OPCML: variants seen among roughly 807,000 people sequenced by gnomAD.
OPCML encodes opioid binding protein/cell adhesion molecule like, also known as opioid-binding protein/cell adhesion molecule.
OPCML carries 13 observed loss-of-function variants against 37.8 expected under a neutral mutation model. The observed-to-expected ratio is 0.34, with a 90% CI of 0.22 to 0.55. OPCML has a LOEUF of 0.55. Ranked by LOEUF, OPCML falls within the 20% of genes least tolerant of loss-of-function variation. The pLI is 0.91. For synonymous variants in OPCML, 176 were observed against 168.8 expected, an observed-to-expected ratio of 1.04 and a Z score of -0.33; for missense variants, 341 against 435.6, an observed-to-expected ratio of 0.78 and a Z score of 1.93.
chr11:133,462,003 A>G (rs188523373), intron 1 of OPCML, among the ~76,000 whole-genome samples: 1 of 152,124 alleles, frequency 6.6e-6, no homozygotes. Flanking sequence ...ATTTTAAACA[A>G]GAGTGTCATG....
chr11:133,310,624 G>A (rs1236986177), intron 1 of OPCML, among the ~76,000 whole-genome samples: 1 of 152,086 alleles, frequency 6.6e-6, no homozygotes, highest in African/African-American at 2.4e-5. Flanking sequence ...AGAACAAAGA[G>A]GGGCTCACTT....
At chr11:132,659,894 T>G (rs2135781959) in intron 2 of OPCML, among the ~76,000 whole-genome samples, 1 of 152,318 alleles carries the variant, frequency 6.6e-6, no homozygotes, top group South Asian at 2.1e-4. Flanking sequence ...AAAAATGTAC[T>G]TTATGCTTGA....
intron 1 of OPCML, among the ~76,000 whole-genome samples, chr11:132,948,202 A>G (rs1034952684): frequency 6.6e-6 from 1 of 152,162 alleles, no homozygotes; most frequent in Non-Finnish European, 1.5e-5. Flanking sequence ...AGATGAGTTT[A>G]TTCCTTACAG....
At chr11:133,078,622 A>T (rs4486642) in intron 1 of OPCML, among the ~76,000 whole-genome samples, 81,375 of 152,010 alleles carry the variant, frequency 0.54, 23,877 homozygotes, top group African/African-American at 0.78. Context: ...CTTGACCCTC[A>T]TCCCTCCAGT....
chr11:132,563,565 A>G (rs747016471), intron 3 of OPCML, among the ~76,000 whole-genome samples: 3 of 151,590 alleles, frequency 2.0e-5, no homozygotes, highest in Non-Finnish European at 2.9e-5. Context: ...ACTAAATGTC[A>G]CTATATTAAT....
chr11:132,778,260 T>C (rs1028103481), intron 2 of OPCML, among the ~76,000 whole-genome samples: 2 of 152,218 alleles, frequency 1.3e-5, no homozygotes, highest in African/African-American at 4.8e-5. Flanking sequence ...CTCTACCAAA[T>C]TGGCCTTTCA....
intron 1 of OPCML, among the ~76,000 whole-genome samples, chr11:133,109,973 C>T (rs1214304243): frequency 1.3e-5 from 2 of 152,204 alleles, no homozygotes; most frequent in Admixed American, 6.5e-5. Context: ...ATTTTGCTCT[C>T]CATAGGACAT....
intron 4 of OPCML, among the ~76,000 whole-genome samples, chr11:132,447,589 C>T (rs991272489): frequency 2.0e-5 from 3 of 152,070 alleles, no homozygotes; most frequent in Admixed American, 2.0e-4. Context: ...GAATTACAGG[C>T]GTGAGCCACC....
intron 2 of OPCML, among the ~76,000 whole-genome samples, chr11:132,803,183 G>T (rs1328418348): frequency 6.6e-6 from 1 of 152,040 alleles, no homozygotes; most frequent in Non-Finnish European, 1.5e-5. Context: ...CTCTTCATCT[G>T]TTCTCCCCTC....
intron 1 of OPCML, among the ~76,000 whole-genome samples, chr11:133,294,374 G>T (rs1453664353): frequency 6.6e-6 from 1 of 152,092 alleles, no homozygotes; most frequent in Admixed American, 6.5e-5. Context: ...GGCAGCACCT[G>T]CCTTCTCCTC....
chr11:133,192,898 G>A (rs915220579), intron 1 of OPCML, among the ~76,000 whole-genome samples: 2 of 121,884 alleles, frequency 1.6e-5, no homozygotes, highest in African/African-American at 6.5e-5. Context: ...TTCCAGTTTT[G>A]TTAACATGGC....
At chr11:133,047,031 G>A (rs138324973) in intron 1 of OPCML, among the ~76,000 whole-genome samples, 130 of 152,278 alleles carry the variant, frequency 8.5e-4, no homozygotes, top group African/African-American at 2.9e-3. Context: ...AACAGAGAAG[G>A]CTTCAAACAG....
intron 1 of OPCML, among the ~76,000 whole-genome samples, chr11:133,246,308 G>GTAGAGAAACAAACAGAGT (rs1401731541): frequency 2.6e-5 from 4 of 152,170 alleles, no homozygotes; most frequent in Non-Finnish European, 5.9e-5. Flanking sequence ...CAGTGGAGAG[G>GTAGAGAAACAAACAGAGT]TAGAGAAACA....
chr11:132,868,657 A>G (rs1942670327), intron 2 of OPCML, among the ~76,000 whole-genome samples: 1 of 152,078 alleles, frequency 6.6e-6, no homozygotes, highest in Non-Finnish European at 1.5e-5. Context: ...CTAAAGGGCC[A>G]TTGTTTCTCT....
chr11:133,366,850 T>C lies in OPCML; in HGVS notation c.61+165414A>G, dbSNP rs904220690. Among the ~76,000 whole-genome samples the C allele has an allele frequency of 5.3e-5, 8 of 152,204 alleles. No individual in the cohort carries two copies. In the East Asian group the frequency reaches 1.4e-3, roughly 26 times the overall value. ...TCCAAGATACCACCCAGCCACACTT[T>C]GATGCCTAACACTCAGGAGGCACCA... On this transcript the variant is annotated intron_variant, in intron 1 of 7. Transcript: ENST00000524381.
chr11:132,828,777 A>T lies in OPCML; in HGVS notation c.146+114149T>A, dbSNP rs1399328443. The stretch of plus-strand genomic sequence containing the variant: ...GATACTGAAGTTGTCTAGAAGATCT[A>T]TGTGTTATTGAGAGATGACAGGATG... On this transcript the variant is annotated intron_variant, in intron 2 of 7. Transcript: ENST00000524381. Among the ~76,000 whole-genome samples, 11 of 152,176 alleles carry T rather than the reference A, an allele frequency of 7.2e-5. No individual in the cohort carries two copies. In the East Asian group the frequency reaches 1.5e-3, roughly 21 times the overall value.
chr11:132,506,216 T>TA lies in OPCML; in HGVS notation c.505+22844dup, dbSNP rs555423205. ...ACAGCAACAAAAAAATCTTCATAGG[T>TA]AAACACTTCTTGAGGGATAGTCTGT... is the stretch of plus-strand genomic sequence containing the variant. On this transcript the variant is annotated intron_variant, in intron 4 of 7. Transcript: ENST00000524381. 1.8e-4 allele frequency among the ~76,000 whole-genome samples: 28 copies of TA among 152,292 alleles called. No homozygotes were observed. The East Asian group carries it at 4.8e-3, about 26-fold the overall frequency.
chr11:133,369,746 T>C (rs1771009632), intron 1 of OPCML, among the ~76,000 whole-genome samples: 1 of 151,918 alleles, frequency 6.6e-6, no homozygotes, highest in Admixed American at 6.6e-5. Flanking sequence ...ACACACACCA[T>C]TATCAATTTC....
rs932756970 is a variant in OPCML at position 133,420,163 on chromosome 11, A to G, written c.61+112101T>C. 9.8e-6 allele frequency: 6 copies of G among 614,308 alleles called. No individual in the cohort carries two copies. In the African/African-American group the frequency reaches 1.0e-4, roughly 10 times the overall value. 38.1% of individuals were successfully genotyped at this position (614,308 alleles called of 1,614,324 possible). On this transcript the variant is annotated intron_variant, in intron 1 of 7. Transcript: ENST00000524381. ...AATGTTATAGTAATTAAATATATAC[A>G]CACATACACAGACAAACACACACAC...
Sources: gnomAD v4.1 joint callset for allele counts (sites outside exome capture counted in the v4.1 genomes callset) on GRCh38, gnomAD v4.1.1 for gene constraint, MANE v1.5 for transcripts, NCBI Gene and HGNC (gene_info 2026-07-23, HGNC 2026-07-21) for gene names.